UVSSA: variants seen among roughly 807,000 people sequenced by gnomAD.
The protein encoded by UVSSA is UV stimulated scaffold protein A, also known as UV-stimulated scaffold protein A.
Under a neutral mutation model 73.9 loss-of-function variants are expected in UVSSA, and 72 were observed. That is an observed-to-expected ratio of 0.97 (90% CI 0.81 to 1.19). The LOEUF (loss-of-function observed/expected upper bound fraction) is 1.19. Among genes scored for constraint, UVSSA ranks in the 50% most tolerant of loss-of-function variants. UVSSA has a pLI of 0.00. For synonymous variants in UVSSA, 454 were observed against 391.3 expected (o/e 1.16, Z -1.89); for missense variants, 1,150 against 965.0 (o/e 1.19, Z -2.54).
intron 8 of UVSSA, among the ~76,000 whole-genome samples, chr4:1,373,617 C>T (rs777660490): frequency 8.5e-5 from 13 of 152,206 alleles, no homozygotes; most frequent in Non-Finnish European, 1.8e-4. Context: ...TTTCCTCTGT[C>T]TCCTCTGACT....
chr4:1,367,042 A>G (rs1057513124), intron 8 of UVSSA, among the ~76,000 whole-genome samples: 1 of 152,178 alleles, frequency 6.6e-6, no homozygotes, highest in Non-Finnish European at 1.5e-5. Flanking sequence ...TACGGGGGTC[A>G]CAAGCACAGG....
chr4:1,349,351 A>G lies in UVSSA; in HGVS notation c.99-173A>G, dbSNP rs527567957. ...AAACAGGCAGGGGCTGGGGAGGTAG[A>G]TGTGGCCCTTGGGCAGTAGTTTGCA... On this transcript the variant is annotated intron_variant, in intron 2 of 13. Transcript: ENST00000389851. Among the ~76,000 whole-genome samples the G allele has an allele frequency of 6.6e-5, 10 of 152,290 alleles. No individual in the cohort carries two copies. The South Asian group carries it at 2.1e-3, about 32-fold the overall frequency.
intron 10 of UVSSA, among the ~76,000 whole-genome samples, 173 bp downstream of exon 10, chr4:1,376,341 A>G (rs1718767848): frequency 6.6e-6 from 1 of 152,070 alleles, no homozygotes; most frequent in African/African-American, 2.4e-5. Context: ...TCCCCTGCTG[A>G]TCCGGCTCGT....
chr4:1,347,721 G>T lies in UVSSA; in HGVS notation c.-42G>T. 1 of 191,588 alleles carries T rather than the reference G, an allele frequency of 5.2e-6. No homozygotes were observed. Among genetic ancestry groups the T allele is most frequent in the South Asian group, 8.3e-5 (1 of 11,978 alleles). The allele number at this position is 191,588 out of a possible 1,614,324, so 11.9% of individuals were successfully genotyped here. On this transcript the variant is annotated 5_prime_UTR_variant, in exon 1 of 14. Coordinates refer to ENST00000389851, the MANE Select transcript of UVSSA (RefSeq NM_020894.4). ...TCTCAGAATTTCTTGGCTCCTCTTG[G>T]CCTCTGCAGCCTTGCTGGAGGCTGC...
intron 6 of UVSSA, 59 bp from the exon 7 acceptor site, chr4:1,355,058 G>A (rs1577301856): frequency 6.3e-7 from 1 of 1,596,368 alleles, no homozygotes; most frequent in Non-Finnish European, 8.5e-7. Context: ...CTCCCAGCAG[G>A]ACAGCTTCCC....
chr4:1,372,730 GCAC>G, intron 8 of UVSSA, among the ~76,000 whole-genome samples: 1 of 102,334 alleles, frequency 9.8e-6, no homozygotes, highest in Non-Finnish European at 2.4e-5. Flanking sequence ...CTGCTACTCA[GCAC>G]TCACCTCCCG....
chr4:1,368,729 G>C (rs1273112929), intron 8 of UVSSA, among the ~76,000 whole-genome samples: 1 of 152,266 alleles, frequency 6.6e-6, no homozygotes, highest in African/African-American at 2.4e-5. Flanking sequence ...GTCCCAGCCT[G>C]ACCCTGGTTG....
At chr4:1,372,257 C>G (rs1718143530) in intron 8 of UVSSA, among the ~76,000 whole-genome samples, 1 of 152,178 alleles carries the variant, frequency 6.6e-6, no homozygotes, top group Non-Finnish European at 1.5e-5. Context: ...CAGAGTCTGT[C>G]TTTCTGTTAA....
chr4:1,369,221 G>A (rs1255140908), intron 8 of UVSSA, among the ~76,000 whole-genome samples: 11 of 152,250 alleles, frequency 7.2e-5, no homozygotes, highest in Admixed American at 5.2e-4. Context: ...GACCGGGTGC[G>A]AGCATGCAGC....
chr4:1,389,709 C>G (rs2109332353), downstream of UVSSA: 1 of 152,014 alleles, frequency 6.6e-6, no homozygotes, highest in Non-Finnish European at 1.5e-5. Context: ...TTTGTGGAGA[C>G]AGGATCTTGC....
rs111779582 is a variant in UVSSA, at chr4:1,366,100, C to G, written c.1177-220C>G. On this transcript the variant is annotated intron_variant, in intron 7 of 13. Coordinates refer to ENST00000389851, the MANE Select transcript of UVSSA (RefSeq NM_020894.4). Reference sequence around the variant, plus strand: ...TCGTGGTTTTAACATAGACTCTAAACAGCCCCCAGCACAGGGGCAGTGCAG... The same window carrying G: ...TCGTGGTTTTAACATAGACTCTAAAGAGCCCCCAGCACAGGGGCAGTGCAG... 1.6e-3 allele frequency: 678 copies of G among 419,764 alleles called. 5 individuals are homozygous for G. The highest frequency in any genetic ancestry group is 0.013 in the African/African-American group (624 of 49,700). The allele number at this position is 419,764 out of a possible 1,614,324, so 26.0% of individuals were successfully genotyped here. A position where few individuals can be genotyped will look rare whatever the true frequency, so the allele number is the denominator to read the frequency against.
chr4:1,395,899 T>G lies in UVSSA; in HGVS notation c.*9938T>G, dbSNP rs762933937. 1.5e-5 allele frequency: 24 copies of G among 1,590,760 alleles called. 1 individual carries two copies. In the Middle Eastern group the frequency reaches 2.0e-3, roughly 134 times the overall value. On this transcript the variant is annotated 3_prime_UTR_variant, in exon 14 of 14. Coordinates refer to the UVSSA transcript ENST00000511216. ...AGAGGAGAGGGTGTTTTTGTAAAAT[T>G]GAATTCAGGACTGATTTGTTAGCCT... is the stretch of plus-strand genomic sequence containing the variant.
intron 8 of UVSSA, among the ~76,000 whole-genome samples, chr4:1,366,901 A>T (rs755304796): frequency 1.2e-4 from 18 of 151,928 alleles, no homozygotes; most frequent in Non-Finnish European, 2.2e-4. Flanking sequence ...GAAAGGTCTC[A>T]CTCACGAGGG....
Position 1,353,118 on chromosome 4 carries a change from GA to G in UVSSA, c.640del (p.Thr214ArgfsTer101), listed in dbSNP as rs1316955312. The G allele has an allele frequency of 6.2e-7, 1 of 1,613,088 alleles. No individual in the cohort carries two copies. ...CTTTTGACTTTGACCCGAACCCGGA[GA>G]CGGAATCCCTTGGCATGGCTTCTGG... ...VPFDFDPNPE[T>X]ESLGMASGMS... On this transcript the variant is annotated frameshift_variant, in exon 5 of 14. Transcript: ENST00000389851. LOFTEE classifies it high-confidence loss of function.
At chr4:1,342,299 A>C (rs902916101), upstream of UVSSA, among the ~76,000 whole-genome samples, 1 of 152,184 alleles carries the variant, frequency 6.6e-6, no homozygotes, top group African/African-American at 2.4e-5. Flanking sequence ...GTGGGTGTGC[A>C]CTGGGGCCAC....
chr4:1,354,706 T>C, intron 5 of UVSSA, 29 bp from the exon 6 acceptor site: 1 of 1,604,212 alleles, frequency 6.2e-7, no homozygotes, highest in Non-Finnish European at 8.5e-7. Flanking sequence ...GTCGGCGCCC[T>C]CTTGTGACCT....
At chr4:1,369,562 C>A (rs1717767573) in intron 8 of UVSSA, among the ~76,000 whole-genome samples, 1 of 152,262 alleles carries the variant, frequency 6.6e-6, no homozygotes, top group Admixed American at 6.5e-5. Flanking sequence ...TGAATTTTCA[C>A]TGAGGGGCCT....
intron 7 of UVSSA, among the ~76,000 whole-genome samples, chr4:1,358,821 G>A (rs532806350): frequency 7.5e-4 from 115 of 152,356 alleles, no homozygotes; most frequent in Non-Finnish European, 9.7e-4. Context: ...GATTGGCGTC[G>A]TTAACTCCGT....
Position 1,387,469 on chromosome 4 carries a change from A to G in UVSSA, c.*1508A>G, listed in dbSNP as rs1463616422. On this transcript the variant is annotated 3_prime_UTR_variant, in exon 14 of 14. Transcript: ENST00000389851. ...TAATTTTGATGAAGTACAGCAATTT[A>G]TCTGTTTTTTTCTTTTGTTGCTTAT... 1 of 152,190 alleles carries G rather than the reference A, an allele frequency of 6.6e-6. No homozygotes were observed. The highest frequency in any genetic ancestry group is 1.5e-5 in the Non-Finnish European group (1 of 68,032). The allele number at this position is 152,190 out of a possible 1,614,324, so 9.4% of individuals were successfully genotyped here.
Sources: allele counts gnomAD v4.1 joint callset (sites outside exome capture counted in the v4.1 genomes callset), GRCh38; gene constraint gnomAD v4.1.1; transcripts MANE v1.5; gene names NCBI Gene and HGNC (gene_info 2026-07-23, HGNC 2026-07-21).